CLSTN2: variants seen among roughly 807,000 people sequenced by gnomAD.
CLSTN2 encodes the protein calsyntenin 2.
CLSTN2 carries 48 observed loss-of-function variants against 101.2 expected under a neutral mutation model. The ratio of observed to expected loss-of-function variants is 0.47; its 90% CI spans 0.38 to 0.60. The LOEUF (loss-of-function observed/expected upper bound fraction) is 0.60, where lower values mean the gene tolerates loss of function less well. CLSTN2 is among the 20% of genes least tolerant of loss of function. The pLI is 0.00. For synonymous variants in CLSTN2, 481 were observed against 463.6 expected (o/e 1.04, Z -0.48); for missense variants, 1,160 against 1,238.2 (o/e 0.94, Z 0.95).
rs1340209828 is a variant in CLSTN2 at position 140,525,973 on chromosome 3, T to C, written c.1345-6351T>C. Reference sequence around the variant, plus strand: ...AACCCACAGCCAACATTATACTAAATGGAGAAAAGCCCAAGAGGAACCTTT... The same window carrying C: ...AACCCACAGCCAACATTATACTAAACGGAGAAAAGCCCAAGAGGAACCTTT... On this transcript the variant is annotated intron_variant, in intron 8 of 16. Coordinates refer to ENST00000458420, the MANE Select transcript of CLSTN2 (RefSeq NM_022131.3). 2.6e-5 allele frequency among the ~76,000 whole-genome samples: 4 copies of C among 152,064 alleles called. No homozygotes were observed. In the East Asian group the frequency reaches 7.7e-4, roughly 29 times the overall value.
intron 1 of CLSTN2, among the ~76,000 whole-genome samples, chr3:139,996,877 G>A (rs927358952): frequency 6.6e-6 from 1 of 151,854 alleles, no homozygotes; most frequent in Admixed American, 6.6e-5. Context: ...AAGAAACCCT[G>A]TCTCTACTAA....
At chr3:140,465,356 C>T (rs1933666819) in intron 7 of CLSTN2, among the ~76,000 whole-genome samples, 1 of 152,202 alleles carries the variant, frequency 6.6e-6, no homozygotes, top group African/African-American at 2.4e-5. Flanking sequence ...GAAAGTATCT[C>T]TTCTGTTTGC....
rs1292291057 is a variant in CLSTN2 at position 140,164,611 on chromosome 3, G to T, written c.110-11340G>T. Among the ~76,000 whole-genome samples the T allele has an allele frequency of 2.0e-5, 3 of 152,172 alleles. No homozygotes were observed. In the East Asian group the frequency reaches 5.8e-4, roughly 29 times the overall value. ...AATACCCCTTACACTCAACCTCAGG[G>T]TCTGTCTTAGGGTGAACTTTGGCCA... On this transcript the variant is annotated intron_variant, in intron 1 of 16. Coordinates refer to ENST00000458420, the MANE Select transcript of CLSTN2 (RefSeq NM_022131.3).
rs534565603 is a variant in CLSTN2 at position 140,518,830 on chromosome 3, A to G, written c.1345-13494A>G. Among the ~76,000 whole-genome samples, 12 of 152,116 alleles carry G rather than the reference A, an allele frequency of 7.9e-5. 1 individual carries two copies. The highest frequency in any genetic ancestry group is 6.2e-4 in the South Asian group (3 of 4,816). On this transcript the variant is annotated intron_variant, in intron 8 of 16. Transcript: ENST00000458420. ...GAGCTGCAAGTTAGTCCTGCCTCCT[A>G]TCTGTCATTTTTATTCTGAGTCCTG... is the stretch of plus-strand genomic sequence containing the variant.
chr3:140,251,864 G>T (rs979775912), intron 2 of CLSTN2, among the ~76,000 whole-genome samples: 1 of 152,118 alleles, frequency 6.6e-6, no homozygotes, highest in Non-Finnish European at 1.5e-5. Context: ...CTGAAAGAAA[G>T]GAATAGGCTG....
intron 2 of CLSTN2, among the ~76,000 whole-genome samples, chr3:140,217,493 A>G (rs139707711): frequency 4.3e-4 from 65 of 152,356 alleles, no homozygotes; most frequent in African/African-American, 1.4e-3. Context: ...ATCATTCAAC[A>G]TCACCACATA....
chr3:140,170,281 G>A (rs914759674), intron 1 of CLSTN2, among the ~76,000 whole-genome samples: 18 of 152,132 alleles, frequency 1.2e-4, no homozygotes, highest in African/African-American at 2.9e-4. Context: ...CTTCGTAGTC[G>A]AATTAACATA....
At chr3:140,272,996 A>G (rs374818866) in intron 2 of CLSTN2, among the ~76,000 whole-genome samples, 2 of 152,234 alleles carry the variant, frequency 1.3e-5, no homozygotes, top group African/African-American at 4.8e-5. Context: ...TCACTCAGTG[A>G]TCATTTGATA....
intron 1 of CLSTN2, among the ~76,000 whole-genome samples, chr3:139,958,430 G>C (rs1350077738): frequency 2.6e-5 from 4 of 152,138 alleles, no homozygotes; most frequent in Non-Finnish European, 5.9e-5. Context: ...CTGCCTCAGT[G>C]ATTACTTTTC....
intron 2 of CLSTN2, among the ~76,000 whole-genome samples, chr3:140,200,414 G>A (rs1485798241): frequency 6.6e-6 from 1 of 152,122 alleles, no homozygotes; most frequent in Non-Finnish European, 1.5e-5. Context: ...AAGAGCCTGT[G>A]TTTGAAAACA....
In CLSTN2 at chr3:140,572,094, T is replaced by A. The variant is rs961123611; in HGVS notation, c.*5841T>A. The A allele has an allele frequency of 6.6e-6, 1 of 152,314 alleles. No homozygotes were observed. Among genetic ancestry groups the A allele is most frequent in the African/African-American group, 2.4e-5 (1 of 41,446 alleles). The allele number at this position is 152,314 out of a possible 1,614,324, so 9.4% of individuals were successfully genotyped here. A position where few individuals can be genotyped will look rare whatever the true frequency, so the allele number is the denominator to read the frequency against. On this transcript the variant is annotated 3_prime_UTR_variant, in exon 17 of 17. Transcript: ENST00000458420. ...TGTGAGCTGTTGGGATGTCCCTTTG[T>A]GGTGTTGGAAGCTGTGCACGAGCAG... is the stretch of plus-strand genomic sequence containing the variant.
intron 1 of CLSTN2, among the ~76,000 whole-genome samples, chr3:139,973,362 A>G (rs968791478): frequency 6.6e-6 from 1 of 152,238 alleles, no homozygotes; most frequent in Non-Finnish European, 1.5e-5. Context: ...TGACTGGCTC[A>G]GGTCAGTAGC....
Position 139,994,939 on chromosome 3 carries a change from T to C in CLSTN2, c.109+59456T>C, listed in dbSNP as rs1447823703. 3.3e-5 allele frequency among the ~76,000 whole-genome samples: 5 copies of C among 152,194 alleles called. No individual in the cohort carries two copies. The East Asian group carries it at 9.6e-4, about 29-fold the overall frequency. Reference sequence around the variant, plus strand: ...CTCTTAGATGTCCTTCCTAAATGACTCAAGTCCCAGGCCCAAAAGACTTTG... The same window carrying C: ...CTCTTAGATGTCCTTCCTAAATGACCCAAGTCCCAGGCCCAAAAGACTTTG... On this transcript the variant is annotated intron_variant, in intron 1 of 16. Coordinates refer to ENST00000458420, the MANE Select transcript of CLSTN2 (RefSeq NM_022131.3).
intron 4 of CLSTN2, among the ~76,000 whole-genome samples, chr3:140,406,809 A>G (rs1327414173): frequency 2.0e-5 from 3 of 152,272 alleles, no homozygotes; most frequent in South Asian, 4.1e-4. Flanking sequence ...CTCAGTGGTC[A>G]AGCTCTACTT....
intron 1 of CLSTN2, among the ~76,000 whole-genome samples, chr3:140,155,201 G>A (rs2009935858): frequency 6.6e-6 from 1 of 152,158 alleles, no homozygotes; most frequent in Admixed American, 6.5e-5. Context: ...GTAAACTAAG[G>A]GGTTCTTGCA....
chr3:140,246,658 C>A (rs573213811), intron 2 of CLSTN2, among the ~76,000 whole-genome samples: 1 of 152,228 alleles, frequency 6.6e-6, no homozygotes, highest in Non-Finnish European at 1.5e-5. Flanking sequence ...TTGTTATTTT[C>A]TTAAAGTTTC....
chr3:140,270,467 GTTAGGGAAGAA>G (rs2086732069), intron 2 of CLSTN2, among the ~76,000 whole-genome samples: 2 of 152,168 alleles, frequency 1.3e-5, no homozygotes, highest in Admixed American at 6.5e-5. Context: ...CCGTCCGGTT[GTTAGGGAAGAA>G]TTTACAAGCC....
At chr3:140,199,850 A>G (rs1246641237) in intron 2 of CLSTN2, among the ~76,000 whole-genome samples, 3 of 152,252 alleles carry the variant, frequency 2.0e-5, no homozygotes, top group South Asian at 2.1e-4. Context: ...GTTGGCTGCT[A>G]GTAAACACTT....
rs181112293 is a variant in CLSTN2 at position 140,211,349 on chromosome 3, C to T, written c.232+35276C>T. Among the ~76,000 whole-genome samples, 354 of 145,414 alleles carry T rather than the reference C, an allele frequency of 2.4e-3. 1 individual carries two copies. The highest frequency in any genetic ancestry group is 2.5e-3 in the Non-Finnish European group (166 of 66,622). ...GTAATCAGTTCTCAATTCTCCATGA[C>T]CAGTAGACATAAGGAGAGGCCTAAA... On this transcript the variant is annotated intron_variant, in intron 2 of 16. Coordinates refer to ENST00000458420, the MANE Select transcript of CLSTN2 (RefSeq NM_022131.3).
Sources: gnomAD v4.1 joint callset for allele counts (sites outside exome capture counted in the v4.1 genomes callset) on GRCh38, gnomAD v4.1.1 for gene constraint, MANE v1.5 for transcripts, NCBI Gene and HGNC (gene_info 2026-07-23, HGNC 2026-07-21) for gene names.